RHBDL3: variants seen among roughly 807,000 people sequenced by gnomAD.
RHBDL3 encodes the protein rhomboid like 3, also known as rhomboid-related protein 3.
In RHBDL3, 28 loss-of-function variants were observed where a neutral mutation model predicts 48.2. The observed-to-expected ratio is 0.58, with a 90% CI of 0.43 to 0.80. RHBDL3 has a LOEUF of 0.80. RHBDL3 is among the 30% of genes least tolerant of loss of function. RHBDL3 has a pLI of 0.00. For missense variants in RHBDL3, 464 were observed against 542.7 expected, an observed-to-expected ratio of 0.85 and a Z score of 1.44; for synonymous variants, 208 against 232.3, an observed-to-expected ratio of 0.90 and a Z score of 0.95.
At chr17:32,277,849 C>A (rs1276691044) in intron 2 of RHBDL3, among the ~76,000 whole-genome samples, 1 of 152,210 alleles carries the variant, frequency 6.6e-6, no homozygotes, top group Admixed American at 6.5e-5. Flanking sequence ...CTGGGCTGAA[C>A]AAAATCAGAC....
At chr17:32,293,007 C>T (rs1431977924) in intron 4 of RHBDL3, among the ~76,000 whole-genome samples, 1 of 151,976 alleles carries the variant, frequency 6.6e-6, no homozygotes, top group Non-Finnish European at 1.5e-5. Context: ...GGGGATCATT[C>T]TGACACATGC....
chr17:32,266,414 C>T (rs1463426458), intron 1 of RHBDL3, 114 bp downstream of exon 1: 1 of 502,512 alleles, frequency 2.0e-6, no homozygotes. Flanking sequence ...GCGGGAGCGC[C>T]CCGGATTGGC....
intron 7 of RHBDL3, among the ~76,000 whole-genome samples, chr17:32,311,666 G>A (rs544757475): frequency 6.6e-6 from 1 of 152,156 alleles, no homozygotes; most frequent in African/African-American, 2.4e-5. Context: ...GGCAGATGTT[G>A]TAAACTCATA....
chr17:32,319,350 A>T (rs1251151964), intron 8 of RHBDL3, among the ~76,000 whole-genome samples: 1 of 134,764 alleles, frequency 7.4e-6, no homozygotes, highest in Non-Finnish European at 1.5e-5. Flanking sequence ...TGAACCCGGG[A>T]GGCGGAGCTT....
At chr17:32,291,658 G>A (rs984215261) in intron 4 of RHBDL3, among the ~76,000 whole-genome samples, 1 of 152,028 alleles carries the variant, frequency 6.6e-6, no homozygotes, top group African/African-American at 2.4e-5. Context: ...TCCAGCCTGG[G>A]TGACAGAACA....
rs1458844010 is a variant in RHBDL3 at position 32,321,618 on chromosome 17, T to C, written c.*389T>C. On this transcript the variant is annotated 3_prime_UTR_variant, in exon 9 of 9. Coordinates refer to ENST00000269051, the MANE Select transcript of RHBDL3 (RefSeq NM_138328.3). ...CTACCCTCAGAGACCCTAAGAGACATGGGAAGGCTCGAAGGTTGTTGCGTC... is the reference window on the plus strand; with the variant it reads ...CTACCCTCAGAGACCCTAAGAGACACGGGAAGGCTCGAAGGTTGTTGCGTC... 1 of 358,982 alleles carries C rather than the reference T, an allele frequency of 2.8e-6. No individual in the cohort carries two copies. Among genetic ancestry groups the C allele is most frequent in the Non-Finnish European group, 5.4e-6 (1 of 186,850 alleles). 22.2% of individuals were successfully genotyped at this position (358,982 alleles called of 1,614,324 possible).
At chr17:32,295,882 C>G (rs1036587624) in intron 5 of RHBDL3, among the ~76,000 whole-genome samples, 1 of 152,170 alleles carries the variant, frequency 6.6e-6, no homozygotes, top group Non-Finnish European at 1.5e-5. Context: ...ATTTTAGCAG[C>G]AAGATGTAGT....
rs1283314613 is a variant in RHBDL3 at position 32,266,255 on chromosome 17, G to A, written c.66G>A (p.Glu22=). 1.4e-6 allele frequency: 2 copies of A among 1,467,098 alleles called. No homozygotes were observed. The highest frequency in any genetic ancestry group is 1.3e-5 in the South Asian group (1 of 77,400). The allele number at this position is 1,467,098 out of a possible 1,614,324, so 90.9% of individuals were successfully genotyped here. A position where few individuals can be genotyped will look rare whatever the true frequency, so the allele number is the denominator to read the frequency against. ...GCGCCGAGGCGGAGCGCATCGAGGA[G>A]CTGGAACCCGAGGCCGAGGAGCGGC... is the stretch of plus-strand genomic sequence containing the variant. ...AACAEAERIE[E]LEPEAEERLP... is the part of the protein sequence containing the mutation. The change falls in exon 1 of 9, where the codon GAG becomes GAA. Residue 22 remains glutamate (E), a synonymous_variant. Coordinates refer to ENST00000269051, the MANE Select transcript of RHBDL3 (RefSeq NM_138328.3).
intron 6 of RHBDL3, among the ~76,000 whole-genome samples, chr17:32,301,582 A>T (rs2150735412): frequency 6.6e-6 from 1 of 152,236 alleles, no homozygotes; most frequent in South Asian, 2.1e-4. Flanking sequence ...GCACTTTGGG[A>T]GGCCGAGGCG....
intron 5 of RHBDL3, 147 bp downstream of exon 5, chr17:32,294,589 C>A: frequency 1.4e-6 from 1 of 702,292 alleles, no homozygotes; most frequent in Non-Finnish European, 2.2e-6. Flanking sequence ...CATTTAATAC[C>A]AAAATATACA....
chr17:32,273,307 C>T (rs759973965), intron 2 of RHBDL3, among the ~76,000 whole-genome samples: 5 of 152,200 alleles, frequency 3.3e-5, no homozygotes, highest in Non-Finnish European at 4.4e-5. Flanking sequence ...CAGCCCAGTC[C>T]GCTCATTTTG....
intron 2 of RHBDL3, among the ~76,000 whole-genome samples, chr17:32,276,052 C>T (rs1185447330): frequency 6.6e-6 from 1 of 152,136 alleles, no homozygotes; most frequent in Non-Finnish European, 1.5e-5. Context: ...GGGGGCATGT[C>T]TCTGAGTACC....
chr17:32,301,178 C>A (rs1021518392), intron 6 of RHBDL3, among the ~76,000 whole-genome samples: 1 of 152,158 alleles, frequency 6.6e-6, no homozygotes, highest in Admixed American at 6.5e-5. Flanking sequence ...CTGCGCCTGG[C>A]AGCCCCCTGT....
intron 6 of RHBDL3, among the ~76,000 whole-genome samples, chr17:32,303,183 G>GCCTGGGGCTGC (rs1467465866): frequency 6.6e-6 from 1 of 152,190 alleles, no homozygotes; most frequent in African/African-American, 2.4e-5. Flanking sequence ...GCCCATCCCT[G>GCCTGGGGCTGC]CCTGGGGCTG....
intron 7 of RHBDL3, among the ~76,000 whole-genome samples, chr17:32,307,768 G>C (rs148026376): frequency 2.4e-4 from 37 of 152,152 alleles, no homozygotes; most frequent in African/African-American, 8.9e-4. Flanking sequence ...CTTTTAAATG[G>C]GTCATTCTGT....
rs1490375909 is a variant in RHBDL3, at chr17:32,294,274, A to ACT, written c.520-11_520-10dup. On this transcript the variant is annotated intron_variant, in intron 4 of 8. Coordinates refer to ENST00000269051, the MANE Select transcript of RHBDL3 (RefSeq NM_138328.3). ...CTGGGCAGTGTGCACCTAGTAACAGACTCTCTCTCTTCTGTCCAGGTTGCC... is the reference window on the plus strand; with the variant it reads ...CTGGGCAGTGTGCACCTAGTAACAGACTCTCTCTCTCTTCTGTCCAGGTTGCC... 2 of 1,609,810 alleles carry ACT rather than the reference A, an allele frequency of 1.2e-6. No individual in the cohort carries two copies. The highest frequency in any genetic ancestry group is 2.2e-5 in the South Asian group (2 of 90,438).
At chr17:32,303,533 T>C (rs1299168378) in intron 6 of RHBDL3, among the ~76,000 whole-genome samples, 1 of 152,192 alleles carries the variant, frequency 6.6e-6, no homozygotes, top group East Asian at 1.9e-4. Context: ...AAAAGAAAGT[T>C]ATCTGACAAT....
intron 4 of RHBDL3, among the ~76,000 whole-genome samples, chr17:32,289,629 T>G (rs1256667750): frequency 6.6e-6 from 1 of 152,214 alleles, no homozygotes; most frequent in Non-Finnish European, 1.5e-5. Flanking sequence ...CTGTGCCTAT[T>G]GTTATGCTAA....
chr17:32,308,445 G>T (rs2040761340), intron 7 of RHBDL3, among the ~76,000 whole-genome samples: 2 of 152,054 alleles, frequency 1.3e-5, no homozygotes, highest in South Asian at 2.1e-4. Flanking sequence ...TCCTGGTGTG[G>T]TGTCATGCAC....
Sources: gnomAD v4.1 joint callset for allele counts (sites outside exome capture counted in the v4.1 genomes callset) on GRCh38, gnomAD v4.1.1 for gene constraint, MANE v1.5 for transcripts, NCBI Gene and HGNC (gene_info 2026-07-23, HGNC 2026-07-21) for gene names.